The following OR1J2 variants were observed in gnomAD, a reference collection of about 807,000 sequenced individuals.
The protein encoded by OR1J2 is olfactory receptor 1J2.
For synonymous variants in OR1J2, 142 were observed against 99.7 expected (o/e 1.42, Z -2.52); for missense variants, 304 against 246.1 (o/e 1.24, Z -1.57).
At chr9:122,494,061 C>T in the OR1J2 span, among the ~76,000 whole-genome samples, 13 of 152,162 alleles carry the variant, frequency 8.5e-5, no homozygotes, top group South Asian at 4.1e-4. Context: ...GCTATAATTT[C>T]GATTTTCTTA....
At chr9:122,451,022 T>C in the OR1J2 span, among the ~76,000 whole-genome samples, 1 of 152,184 alleles carries the variant, frequency 6.6e-6, no homozygotes, top group East Asian at 1.9e-4. Context: ...AGGACCATAT[T>C]ATTCAATGAG....
chr9:122,492,822 T>C, the OR1J2 span, among the ~76,000 whole-genome samples: 1 of 152,228 alleles, frequency 6.6e-6, no homozygotes, highest in Non-Finnish European at 1.5e-5. Context: ...TTTTCCCCCT[T>C]CAGTATAATG....
At chr9:122,450,118 C>A in the OR1J2 span, among the ~76,000 whole-genome samples, 1 of 152,092 alleles carries the variant, frequency 6.6e-6, no homozygotes, top group Non-Finnish European at 1.5e-5. Flanking sequence ...TCTAACATTT[C>A]ATCTACTTAT....
the OR1J2 span, among the ~76,000 whole-genome samples, chr9:122,564,076 G>A: frequency 2.0e-5 from 3 of 152,124 alleles, no homozygotes; most frequent in Admixed American, 6.5e-5. Context: ...TGTGCATTGG[G>A]AAAAGGGAAA....
At chr9:122,495,155 A>G in the OR1J2 span, among the ~76,000 whole-genome samples, 2 of 152,134 alleles carry the variant, frequency 1.3e-5, no homozygotes, top group African/African-American at 2.4e-5. Flanking sequence ...CCTGAAGACT[A>G]TGTGCCTAGG....
At chr9:122,475,361 GC>G in the OR1J2 span, among the ~76,000 whole-genome samples, 3 of 152,048 alleles carry the variant, frequency 2.0e-5, no homozygotes, top group East Asian at 5.8e-4. Context: ...TCTCTCTCCC[GC>G]CACATTTCTT....
the OR1J2 span, among the ~76,000 whole-genome samples, chr9:122,530,323 T>A: frequency 6.6e-6 from 1 of 152,204 alleles, no homozygotes; most frequent in Non-Finnish European, 1.5e-5. Flanking sequence ...TTTTTATGTT[T>A]ACATTTTGAA....
At chr9:122,529,160 A>C in the OR1J2 span, among the ~76,000 whole-genome samples, 22 of 152,320 alleles carry the variant, frequency 1.4e-4, no homozygotes, top group East Asian at 4.2e-3. Flanking sequence ...CTGAGGCTAC[A>C]GTCCAAGTTA....
chr9:122,550,822 C>T, the OR1J2 span, among the ~76,000 whole-genome samples: 1 of 151,850 alleles, frequency 6.6e-6, no homozygotes, highest in Non-Finnish European at 1.5e-5. Flanking sequence ...TGAACGCATT[C>T]CCCCTAAGAA....
the OR1J2 span, among the ~76,000 whole-genome samples, chr9:122,524,469 A>T: frequency 6.6e-6 from 1 of 152,216 alleles, no homozygotes; most frequent in East Asian, 1.9e-4. Flanking sequence ...ACTATTGAAC[A>T]GTGATAGGCA....
At chr9:122,572,725 A>G in the OR1J2 span, 3 of 152,232 alleles carry the variant, frequency 2.0e-5, no homozygotes, top group South Asian at 4.1e-4. Context: ...CAGAAAGGAA[A>G]GAGAAAGTGC....
At chr9:122,478,001 T>C in the OR1J2 span, 1 of 1,001,842 alleles carries the variant, frequency 1.0e-6, no homozygotes, top group Non-Finnish European at 1.5e-6. Flanking sequence ...AAATGATAAC[T>C]GTGGCATAGT....
At chr9:122,555,090 G>A in the OR1J2 span, among the ~76,000 whole-genome samples, 4 of 152,088 alleles carry the variant, frequency 2.6e-5, no homozygotes, top group Non-Finnish European at 4.4e-5. Context: ...TTTGAAACAT[G>A]TAGATATTTT....
chr9:122,527,049 T>G, the OR1J2 span: 1 of 1,614,182 alleles, frequency 6.2e-7, no homozygotes, highest in Non-Finnish European at 8.5e-7. Flanking sequence ...AGTCTGTATA[T>G]TCACCAGCAT....
the OR1J2 span, among the ~76,000 whole-genome samples, chr9:122,544,506 C>T: frequency 2.0e-5 from 3 of 150,592 alleles, no homozygotes; most frequent in Non-Finnish European, 4.4e-5. Flanking sequence ...CCGCACCCTC[C>T]GCCTCCCAGG....
chr9:122,568,158 G>T, the OR1J2 span: 7 of 1,614,148 alleles, frequency 4.3e-6, no homozygotes, highest in Non-Finnish European at 5.9e-6. Flanking sequence ...GTTGCCCAAG[G>T]CATAGAGAAA....
chr9:122,537,409 G>C, the OR1J2 span, among the ~76,000 whole-genome samples: 3 of 152,178 alleles, frequency 2.0e-5, no homozygotes, highest in African/African-American at 7.2e-5. Context: ...TAACTTTCTT[G>C]CTGTTTTTTC....
chr9:122,567,941 G>A, the OR1J2 span: 7 of 1,614,098 alleles, frequency 4.3e-6, no homozygotes, highest in Non-Finnish European at 5.9e-6. Context: ...TGAGGTCACA[G>A]AGAAAGTGGT....
the OR1J2 span, chr9:122,553,500 T>TA: frequency 6.2e-7 from 1 of 1,613,874 alleles, no homozygotes; most frequent in Non-Finnish European, 8.5e-7. Context: ...GATCATCTCG[T>TA]ATTCTGGGTG....
Sources: gnomAD v4.1 joint callset for allele counts (sites outside exome capture counted in the v4.1 genomes callset) on GRCh38, gnomAD v4.1.1 for gene constraint, MANE v1.5 for transcripts, NCBI Gene and HGNC (gene_info 2026-07-23, HGNC 2026-07-21) for gene names.